MACROD2: variants seen among roughly 807,000 people sequenced by gnomAD.
MACROD2 encodes the protein mono-ADP ribosylhydrolase 2.
In MACROD2, 36 loss-of-function variants were observed where a neutral mutation model predicts 70.4. That is an observed-to-expected ratio of 0.51 (90% CI 0.39 to 0.68). The LOEUF (loss-of-function observed/expected upper bound fraction) is 0.68, where lower values mean the gene tolerates loss of function less well. MACROD2 is among the 30% of genes least tolerant of loss of function. The pLI is 0.00. For missense variants in MACROD2, 496 were observed against 538.4 expected, an observed-to-expected ratio of 0.92 and a Z score of 0.78; for synonymous variants, 172 against 178.8, an observed-to-expected ratio of 0.96 and a Z score of 0.30.
At chr20:14,253,003 A>G (rs554900628) in intron 3 of MACROD2, among the ~76,000 whole-genome samples, 5 of 152,042 alleles carry the variant, frequency 3.3e-5, no homozygotes, top group Admixed American at 6.6e-5. Flanking sequence ...ATTTAGTTTT[A>G]CAGTATGGTA....
At chr20:14,524,823 A>T (rs2085211257) in intron 4 of MACROD2, among the ~76,000 whole-genome samples, 1 of 152,170 alleles carries the variant, frequency 6.6e-6, no homozygotes, top group African/African-American at 2.4e-5. Flanking sequence ...AGCAGCATTC[A>T]TGCGGAGTCT....
intron 3 of MACROD2, among the ~76,000 whole-genome samples, chr20:14,089,410 C>T (rs2054120205): frequency 6.6e-6 from 1 of 152,200 alleles, no homozygotes; most frequent in Admixed American, 6.5e-5. Context: ...CCCCTAGTCA[C>T]TATGCCAAAG....
intron 8 of MACROD2, among the ~76,000 whole-genome samples, chr20:15,588,028 G>A (rs1051757163): frequency 6.6e-6 from 1 of 152,182 alleles, no homozygotes; most frequent in Non-Finnish European, 1.5e-5. Flanking sequence ...CACTAGCAGA[G>A]GTTCTCCATG....
At chr20:14,870,749 T>C (rs1353754413) in intron 5 of MACROD2, among the ~76,000 whole-genome samples, 3 of 152,198 alleles carry the variant, frequency 2.0e-5, no homozygotes, top group Non-Finnish European at 2.9e-5. Flanking sequence ...TGCTTTCTTT[T>C]GAAAAGTGTC....
chr20:14,694,591 T>C (rs2071100313), intron 5 of MACROD2, among the ~76,000 whole-genome samples: 1 of 152,192 alleles, frequency 6.6e-6, no homozygotes, highest in Admixed American at 6.5e-5. Context: ...TTAGTAGTAA[T>C]TTGTAGTAAT....
intron 5 of MACROD2, among the ~76,000 whole-genome samples, chr20:15,132,098 A>T (rs966669584): frequency 1.3e-5 from 2 of 152,062 alleles, no homozygotes; most frequent in Admixed American, 6.6e-5. Flanking sequence ...TATTAAATCC[A>T]AGCCAAGAAA....
At chr20:14,862,408 AATATATAT>A (rs1327361282) in intron 5 of MACROD2, among the ~76,000 whole-genome samples, 1 of 12,352 alleles carries the variant, frequency 8.1e-5, no homozygotes, top group African/African-American at 4.4e-4. Context: ...TATATATATA[AATATATAT>A]AAATATATAT....
chr20:15,423,721 A>G (rs2046260137), intron 6 of MACROD2, among the ~76,000 whole-genome samples: 1 of 152,106 alleles, frequency 6.6e-6, no homozygotes, highest in Non-Finnish European at 1.5e-5. Flanking sequence ...TACCTCCCAA[A>G]GGCTCCACCT....
intron 4 of MACROD2, among the ~76,000 whole-genome samples, chr20:14,502,277 T>G (rs75680265): frequency 0.012 from 1,752 of 152,312 alleles, 31 homozygotes; most frequent in African/African-American, 0.04. Flanking sequence ...TTTTTGTTTT[T>G]GGCACTGTTA....
intron 6 of MACROD2, among the ~76,000 whole-genome samples, chr20:15,322,857 C>T (rs949784193): frequency 5.6e-5 from 8 of 143,284 alleles, no homozygotes; most frequent in African/African-American, 2.0e-4. Context: ...CCTTGGAATC[C>T]ATGAATCCAT....
chr20:15,002,922 C>T (rs1046185714), intron 5 of MACROD2, among the ~76,000 whole-genome samples: 1 of 152,124 alleles, frequency 6.6e-6, no homozygotes, highest in Admixed American at 6.5e-5. Flanking sequence ...GGAACCAATC[C>T]AATTAGAAAG....
At chr20:14,596,604 A>C (rs1249268995) in intron 4 of MACROD2, among the ~76,000 whole-genome samples, 1 of 151,898 alleles carries the variant, frequency 6.6e-6, no homozygotes, top group Non-Finnish European at 1.5e-5. Context: ...TCTATTTAAC[A>C]ATAACTTACC....
At chr20:15,120,515 G>C (rs975698445) in intron 5 of MACROD2, among the ~76,000 whole-genome samples, 3 of 152,112 alleles carry the variant, frequency 2.0e-5, no homozygotes, top group African/African-American at 7.2e-5. Context: ...GAATTATCTT[G>C]TGTGATGTGC....
intron 6 of MACROD2, among the ~76,000 whole-genome samples, chr20:15,360,219 G>A (rs539465626): frequency 7.9e-5 from 12 of 152,132 alleles, no homozygotes; most frequent in Non-Finnish European, 1.5e-4. Flanking sequence ...GTAGTCAATA[G>A]TATGGGCATA....
At chr20:14,381,020 G>A (rs957070430) in intron 3 of MACROD2, among the ~76,000 whole-genome samples, 5 of 152,084 alleles carry the variant, frequency 3.3e-5, no homozygotes, top group Non-Finnish European at 7.4e-5. Flanking sequence ...TTTGCAAGCT[G>A]TTAGCTAATA....
At chr20:14,675,624 C>A (rs2070850599) in intron 4 of MACROD2, among the ~76,000 whole-genome samples, 1 of 152,116 alleles carries the variant, frequency 6.6e-6, no homozygotes, top group African/African-American at 2.4e-5. Flanking sequence ...AGACCATCAA[C>A]ACTATGAAGA....
At chr20:15,873,216 A>G (rs2064611232) in intron 9 of MACROD2, among the ~76,000 whole-genome samples, 1 of 152,210 alleles carries the variant, frequency 6.6e-6, no homozygotes, top group Admixed American at 6.5e-5. Context: ...AATGTCATGT[A>G]CTATACAACT....
At chr20:15,577,451 C>T (rs1017455516) in intron 8 of MACROD2, among the ~76,000 whole-genome samples, 1 of 152,134 alleles carries the variant, frequency 6.6e-6, no homozygotes, top group Non-Finnish European at 1.5e-5. Context: ...GCCATCATCA[C>T]AGCTAAAAAA....
intron 8 of MACROD2, among the ~76,000 whole-genome samples, chr20:15,637,053 A>C (rs535126044): frequency 6.6e-6 from 1 of 152,284 alleles, no homozygotes; most frequent in South Asian, 2.1e-4. Flanking sequence ...TCCATAAAAG[A>C]GTGTGAAGAT....
Sources: allele counts gnomAD v4.1 joint callset (sites outside exome capture counted in the v4.1 genomes callset), GRCh38; gene constraint gnomAD v4.1.1; transcripts MANE v1.5; gene names NCBI Gene and HGNC (gene_info 2026-07-23, HGNC 2026-07-21).